The following CIP2A variants were observed in gnomAD, a reference collection of about 807,000 sequenced individuals.
The protein encoded by CIP2A is protein CIP2A.
Under a neutral mutation model 110.9 loss-of-function variants are expected in CIP2A, and 103 were observed. That is an observed-to-expected ratio of 0.93 (90% CI 0.79 to 1.09). The LOEUF is 1.09. Among genes scored for constraint, CIP2A ranks in the 50% least tolerant of loss-of-function variants. The pLI is 0.00. For synonymous variants in CIP2A, 381 were observed against 361.6 expected, an observed-to-expected ratio of 1.05 and a Z score of -0.61; for missense variants, 1,088 against 1,038.4, an observed-to-expected ratio of 1.05 and a Z score of -0.66.
rs1937843619 is a variant in CIP2A, at chr3:108,557,334, A to T, written c.2094T>A (p.Val698=). 1 of 1,612,732 alleles carries T rather than the reference A, an allele frequency of 6.2e-7. No homozygotes were observed. Among genetic ancestry groups the T allele is most frequent in the East Asian group, 2.2e-5 (1 of 44,826 alleles). Residue 698 remains valine, a synonymous_variant, in exon 17 of 21, where the codon GTT becomes GTA. Transcript: ENST00000295746. ...ELSVLLKAQQ[V]ESERAQSDIE... ...TATCACTCTGCGCTCTTTCTGATTCAACTTGCTGCGCCTTCAGCAACACAC... is the reference window on the plus strand; with the variant it reads ...TATCACTCTGCGCTCTTTCTGATTCTACTTGCTGCGCCTTCAGCAACACAC...
In CIP2A at chr3:108,580,837, G is replaced by A. The variant is rs541794655; in HGVS notation, c.549+578C>T. ...AGAGACAGGGTTCACCATGTTGGCC[G>A]AGATGGTCTCCATCTCCTGACCTTG... On this transcript the variant is annotated intron_variant, in intron 5 of 20. Coordinates refer to ENST00000295746, the MANE Select transcript of CIP2A (RefSeq NM_020890.3). 6.6e-5 allele frequency among the ~76,000 whole-genome samples: 10 copies of A among 152,152 alleles called. No homozygotes were observed. The South Asian group carries it at 1.9e-3, about 28-fold the overall frequency.
At chr3:108,565,543 C>T in intron 11 of CIP2A, 89 bp from the exon 12 acceptor site, 1 of 653,924 alleles carries the variant, frequency 1.5e-6, no homozygotes, top group South Asian at 2.1e-5. Context: ...ATGAAAAAAA[C>T]CAACACTTGT....
In CIP2A at chr3:108,585,111, T is replaced by G. The variant is rs79888562; in HGVS notation, c.204A>C (p.Ile68=). The G allele has an allele frequency of 0.033, 52,852 of 1,613,208 alleles. 1,030 individuals carry two copies. Among genetic ancestry groups the G allele is most frequent in the Middle Eastern group, 0.053 (320 of 6,058 alleles). The change falls in exon 2 of 21, where the codon ATA becomes ATC. Residue 68 remains isoleucine (I), a synonymous_variant. Transcript: ENST00000295746. The stretch of plus-strand genomic sequence containing the variant: ...TAATACTTAAGATCAGTGAAGCACT[T>G]ATGTTGGGGTCTTCAAGTAGCTCTA... ...CLVELLEDPN[I]SASLILSIIG...
At chr3:108,572,043 T>C (rs1191210299) in intron 8 of CIP2A, among the ~76,000 whole-genome samples, 2 of 152,078 alleles carry the variant, frequency 1.3e-5, no homozygotes, top group East Asian at 1.9e-4. Context: ...CGGCTCTGTG[T>C]TTTTTCGGAT....
chr3:108,579,289 A>AAT lies in CIP2A; in HGVS notation c.809_810insAT (p.Tyr270Ter). 1.2e-6 allele frequency: 2 copies of AAT among 1,609,204 alleles called. No homozygotes were observed. The highest frequency in any genetic ancestry group is 3.4e-5 in the Admixed American group (2 of 59,648). The change falls in exon 7 of 21, where the codon TAT (tyrosine) becomes TAATT (stop). Residue 270 changes from tyrosine to a stop codon, truncating the protein, a stop_gained and frameshift_variant. Transcript: ENST00000295746. LOFTEE classifies it high-confidence loss of function. ...ACTGAAGTGAGTCATACCTGGTGAG[A>AAT]TAATCAGCAATTTTAGGATTCTTAA... Reference protein sequence around the residue: ...DLLKNPKIADYLTRYEHFSSC... With the variant: ...DLLKNPKIAD
chr3:108,555,974 G>A (rs1937789532), intron 17 of CIP2A, among the ~76,000 whole-genome samples: 2 of 151,976 alleles, frequency 1.3e-5, no homozygotes, highest in Admixed American at 6.6e-5. Context: ...TTCTATCACT[G>A]CAAACCTTGG....
At chr3:108,574,307 T>C (rs1315256083) in intron 8 of CIP2A, among the ~76,000 whole-genome samples, 1 of 152,184 alleles carries the variant, frequency 6.6e-6, no homozygotes, top group African/African-American at 2.4e-5. Context: ...GCAATACTAC[T>C]GTATAGACAT....
chr3:108,574,249 T>TA (rs1288892316), intron 8 of CIP2A, among the ~76,000 whole-genome samples: 20 of 152,060 alleles, frequency 1.3e-4, no homozygotes, highest in Non-Finnish European at 1.3e-4. Context: ...AATGAATATG[T>TA]AAAATGATAT....
rs1937837425 is a variant in CIP2A, at chr3:108,557,196, CAGA to C, written c.2210+19_2210+21del. On this transcript the variant is annotated intron_variant, in intron 17 of 20. Coordinates refer to ENST00000295746, the MANE Select transcript of CIP2A (RefSeq NM_020890.3). ...GTTCATTCTAGGTTCTAACCTTACA[CAGA>C]AGATTTTACTTTATTTACCTCTGAA... 6.7e-7 allele frequency: 1 copy of C among 1,484,090 alleles called. No individual in the cohort carries two copies. The highest frequency in any genetic ancestry group is 9.2e-7 in the Non-Finnish European group (1 of 1,086,604). The allele number at this position is 1,484,090 out of a possible 1,614,324, so 91.9% of individuals were successfully genotyped here.
chr3:108,571,614 A>G (rs1184375512), intron 8 of CIP2A, among the ~76,000 whole-genome samples: 2 of 152,180 alleles, frequency 1.3e-5, no homozygotes, highest in African/African-American at 4.8e-5. Flanking sequence ...CTTTTAATGT[A>G]CACATATAAA....
rs1340864904 is a variant in CIP2A at position 108,581,468 on chromosome 3, A to C, written c.496T>G (p.Leu166Val). ...DELKMPCLGLLANLCRHNLSV... is the reference protein window; with the variant it reads ...DELKMPCLGLVANLCRHNLSV... ...AGATTGTGCCGACAAAGATTTGCCA[A>C]TAATCCTAGACAAGGCATTTTTAAC... is the stretch of plus-strand genomic sequence containing the variant. The change falls in exon 5 of 21, where the codon TTG becomes GTG. Residue 166 changes from leucine (L) to valine (V), a missense_variant. By Grantham distance (32) the Leu-to-Val change is conservative. Coordinates refer to ENST00000295746, the MANE Select transcript of CIP2A (RefSeq NM_020890.3). 4.3e-6 allele frequency: 7 copies of C among 1,613,272 alleles called. No individual in the cohort carries two copies. Among genetic ancestry groups the C allele is most frequent in the Non-Finnish European group, 5.9e-6 (7 of 1,179,484 alleles).
chr3:108,568,639 TAATTA>T (rs1293414652), intron 9 of CIP2A, among the ~76,000 whole-genome samples: 2 of 151,982 alleles, frequency 1.3e-5, no homozygotes, highest in East Asian at 1.9e-4. Flanking sequence ...GTAATAACAA[TAATTA>T]AATAATAGAC....
intron 1 of CIP2A, among the ~76,000 whole-genome samples, chr3:108,587,160 T>C (rs547500830): frequency 2.0e-5 from 3 of 152,090 alleles, no homozygotes; most frequent in Non-Finnish European, 4.4e-5. Flanking sequence ...AGGCATATGT[T>C]CCAATGCTCT....
intron 5 of CIP2A, among the ~76,000 whole-genome samples, chr3:108,580,553 G>A (rs35023560): frequency 1.1e-3 from 170 of 151,628 alleles, no homozygotes; most frequent in Admixed American, 1.8e-3. Flanking sequence ...AAAATCGAAC[G>A]GGTAATGCTG....
chr3:108,575,266 GTATA>G (rs1938536673), intron 8 of CIP2A, among the ~76,000 whole-genome samples: 1 of 151,246 alleles, frequency 6.6e-6, no homozygotes. Context: ...ATGTACATGT[GTATA>G]TACACACACA....
chr3:108,550,640 A>G lies in CIP2A; in HGVS notation c.*509T>C, dbSNP rs1437688179. The G allele has an allele frequency of 2.6e-5, 4 of 151,758 alleles. No individual in the cohort carries two copies. The highest frequency in any genetic ancestry group is 2.6e-4 in the Admixed American group (4 of 15,236). The allele number at this position is 151,758 out of a possible 1,614,324, so 9.4% of individuals were successfully genotyped here. A position where few individuals can be genotyped will look rare whatever the true frequency, so the allele number is the denominator to read the frequency against. ...GCAGTATAAAAATTATTTTAAATTCACTAATATTTTCTTTTGTGCTTCTTC... is the reference window on the plus strand; with the variant it reads ...GCAGTATAAAAATTATTTTAAATTCGCTAATATTTTCTTTTGTGCTTCTTC... On this transcript the variant is annotated 3_prime_UTR_variant, in exon 21 of 21. Coordinates refer to ENST00000295746, the MANE Select transcript of CIP2A (RefSeq NM_020890.3).
At chr3:108,575,564 GTA>G (rs1431467676) in intron 8 of CIP2A, among the ~76,000 whole-genome samples, 6 of 136,638 alleles carry the variant, frequency 4.4e-5, no homozygotes, top group African/African-American at 2.0e-4. Context: ...ATATATACGT[GTA>G]TATATACTCA....
chr3:108,586,737 T>C (rs1284636936), intron 1 of CIP2A, among the ~76,000 whole-genome samples: 1 of 152,176 alleles, frequency 6.6e-6, no homozygotes, highest in Non-Finnish European at 1.5e-5. Context: ...AATTCATATC[T>C]AGGCAGCTTG....
rs1361782222 is a variant in CIP2A, at chr3:108,566,561, G to T, written c.1351C>A (p.Gln451Lys). The T allele has an allele frequency of 1.2e-6, 2 of 1,607,226 alleles. No homozygotes were observed. Among genetic ancestry groups the T allele is most frequent in the Non-Finnish European group, 1.7e-6 (2 of 1,176,372 alleles). The change falls in exon 11 of 21, where the codon CAA (glutamine) becomes AAA (lysine). Residue 451 changes from glutamine (Q) to lysine (K), a missense_variant. Gln to Lys is a moderately conservative substitution (Grantham distance 53). Transcript: ENST00000295746. ...TTVKCTTLIE[Q>K]QFTYGKIDLG... ...TCAATCTTGCCATATGTAAATTGTT[G>T]TTCTATAAGAGTGGTACACTTGACA...
Sources: gnomAD v4.1 joint callset for allele counts (sites outside exome capture counted in the v4.1 genomes callset) on GRCh38, gnomAD v4.1.1 for gene constraint, MANE v1.5 for transcripts, NCBI Gene and HGNC (gene_info 2026-07-23, HGNC 2026-07-21) for gene names.